The following DMD variants were observed in gnomAD, a reference collection of about 807,000 sequenced individuals.
DMD encodes dystrophin, also known as mutant dystrophin.
A neutral mutation model predicts 330.1 loss-of-function variants in DMD; 63 were observed. The observed-to-expected ratio is 0.19, with a 90% CI of 0.16 to 0.24. The LOEUF (loss-of-function observed/expected upper bound fraction) is 0.24. Ranked by LOEUF, DMD falls within the 10% of genes least tolerant of loss-of-function variation. The probability of loss-of-function intolerance (pLI) is 1.00; values close to 1 mark genes in which losing one functional copy is unlikely to be tolerated. For missense variants in DMD, 3,344 were observed against 2,684.1 expected (o/e 1.25, Z -5.43); for synonymous variants, 1,223 against 959.8 (o/e 1.27, Z -5.07).
At chrX:32,505,850 G>C (rs1373199012) in intron 18 of DMD, among the ~76,000 whole-genome samples, 2 of 111,915 alleles carry the variant, frequency 1.8e-5, no homozygotes, top group African/African-American at 3.2e-5. Context: ...GCCATAAAAA[G>C]ACATGGAAGA....
chrX:31,328,321 G>A (rs1482888366), intron 61 of DMD, among the ~76,000 whole-genome samples: 1 of 110,554 alleles, frequency 9.0e-6, no homozygotes, highest in Admixed American at 9.5e-5. Context: ...GGCAGCAGAA[G>A]CCTCTCTTTA....
intron 2 of DMD, among the ~76,000 whole-genome samples, chrX:32,995,915 A>AATT (rs1404806091): frequency 1.8e-5 from 2 of 112,043 alleles, no homozygotes; most frequent in Non-Finnish European, 3.8e-5. Flanking sequence ...ATTTAAATTG[A>AATT]ATTAGATTAA....
intron 1 of DMD, among the ~76,000 whole-genome samples, chrX:33,326,879 C>T (rs776787578): frequency 5.4e-5 from 6 of 110,268 alleles, no homozygotes; most frequent in South Asian, 3.9e-4. Context: ...GGGGGGATGG[C>T]AGAGCTAAAA....
chrX:32,281,820 A>G (rs776448850), intron 43 of DMD, among the ~76,000 whole-genome samples: 27 of 111,648 alleles, frequency 2.4e-4, no homozygotes, highest in Non-Finnish European at 7.5e-5. Flanking sequence ...ATTTTTTTAG[A>G]GGTTTCTTTT....
chrX:32,308,492 T>C (rs1195751731), intron 42 of DMD, among the ~76,000 whole-genome samples: 3 of 110,958 alleles, frequency 2.7e-5, no homozygotes, highest in Non-Finnish European at 5.7e-5. Flanking sequence ...TTCAAAAAAG[T>C]CAATGAAGGT....
intron 17 of DMD, among the ~76,000 whole-genome samples, chrX:32,524,186 G>A (rs1057318888): frequency 8.1e-5 from 9 of 110,930 alleles, no homozygotes; most frequent in African/African-American, 1.3e-4. Context: ...CGCCCGCCTC[G>A]GCCTCCCAAA....
chrX:31,854,792 A>C (rs1483691703), intron 48 of DMD, among the ~76,000 whole-genome samples: 1 of 111,671 alleles, frequency 9.0e-6, no homozygotes, highest in Non-Finnish European at 1.9e-5. Context: ...AGGGTTTCTC[A>C]GCTTCAGCCC....
At chrX:32,760,650 A>G (rs756140804) in intron 7 of DMD, among the ~76,000 whole-genome samples, 1 of 112,162 alleles carries the variant, frequency 8.9e-6, no homozygotes, top group African/African-American at 3.2e-5. Flanking sequence ...GCAGGAGGGA[A>G]GAACAGAGTG....
chrX:32,888,734 A>G (rs1161587442), intron 2 of DMD, among the ~76,000 whole-genome samples: 2 of 112,117 alleles, frequency 1.8e-5, no homozygotes, highest in Non-Finnish European at 3.8e-5. Flanking sequence ...CAGTATTCAC[A>G]TTAGACAAGA....
chrX:31,555,538 G>A (rs1405648870), intron 55 of DMD, among the ~76,000 whole-genome samples: 1 of 111,970 alleles, frequency 8.9e-6, no homozygotes, highest in Non-Finnish European at 1.9e-5. Context: ...GGCATCCATA[G>A]GTGATACCTA....
At chrX:32,361,142 G>A (rs1189591916) in intron 37 of DMD, among the ~76,000 whole-genome samples, 1 of 111,323 alleles carries the variant, frequency 9.0e-6, no homozygotes, top group African/African-American at 3.2e-5. Context: ...AAATGTGCAT[G>A]TGTGTGTGTC....
At chrX:31,970,866 A>G (rs1041155886) in intron 44 of DMD, among the ~76,000 whole-genome samples, 1 of 111,693 alleles carries the variant, frequency 9.0e-6, no homozygotes, top group African/African-American at 3.3e-5. Context: ...AATGGGAAAA[A>G]AATTTTGCCT....
rs750473011 is a variant in DMD at position 32,397,571 on chromosome X, C to G, written c.4234-7390G>C. On this transcript the variant is annotated intron_variant, in intron 30 of 78. Coordinates refer to ENST00000357033, the MANE Select transcript of DMD (RefSeq NM_004006.3). ...AAAAAGGCATTTGAGCATGCAGTAA[C>G]TATGTTCACAGCACTATATATTCAA... is the stretch of plus-strand genomic sequence containing the variant. Among the ~76,000 whole-genome samples, 31 of 111,982 alleles carry G rather than the reference C, an allele frequency of 2.8e-4. 1 individual carries two copies. In the Admixed American group the frequency reaches 2.9e-3, roughly 11 times the overall value.
At position 32,964,255 on chromosome X, in the gene DMD, C is replaced by CAAAA. The variant is rs781702491; in HGVS notation, c.93+55880_93+55883dup. On this transcript the variant is annotated intron_variant, in intron 2 of 78. Transcript: ENST00000357033. The stretch of plus-strand genomic sequence containing the variant: ...CTGGTGACAGAGCAAGACTCCATCT[C>CAAAA]AAAAAAAAAAAAAAAAAAAATTCAC... Among the ~76,000 whole-genome samples, 63 of 35,188 alleles carry CAAAA rather than the reference C, an allele frequency of 1.8e-3. 3 individuals are homozygous for CAAAA. Among genetic ancestry groups the CAAAA allele is most frequent in the African/African-American group, 5.5e-3 (48 of 8,791 alleles). 30.6% of individuals were successfully genotyped at this position (35,188 alleles called of 115,157 possible). A position where few individuals can be genotyped will look rare whatever the true frequency, so the allele number is the denominator to read the frequency against.
chrX:33,026,728 G>A (rs1389808168), intron 1 of DMD, among the ~76,000 whole-genome samples: 1 of 111,593 alleles, frequency 9.0e-6, no homozygotes, highest in Non-Finnish European at 1.9e-5. Flanking sequence ...ACTTCTGCAC[G>A]AAGAACAGAA....
rs767212616 is a variant in DMD at position 32,287,513 on chromosome X, T to C, written c.6290+16A>G. ...TCATTTCTGCAAGTATCAAGAAAAA[T>C]ATATGTGTTACCTACCCTTGTCGGT... is the stretch of plus-strand genomic sequence containing the variant. On this transcript the variant is annotated intron_variant, in intron 43 of 78. Coordinates refer to ENST00000357033, the MANE Select transcript of DMD (RefSeq NM_004006.3). 26 of 1,204,660 alleles carry C rather than the reference T, an allele frequency of 2.2e-5. No individual in the cohort carries two copies. Among genetic ancestry groups the C allele is most frequent in the Non-Finnish European group, 2.8e-5 (25 of 890,063 alleles).
intron 33 of DMD, among the ~76,000 whole-genome samples, chrX:32,381,551 T>A (rs1009757496): frequency 1.8e-5 from 2 of 111,586 alleles, no homozygotes; most frequent in Admixed American, 1.9e-4. Flanking sequence ...AAATTACAAT[T>A]TCTTAAAGGC....
At chrX:31,477,987 G>T in intron 59 of DMD, 119 bp downstream of exon 59, 1 of 816,098 alleles carries the variant, frequency 1.2e-6, no homozygotes, top group Non-Finnish European at 1.8e-6. Context: ...CTGAATTTGT[G>T]AAAGACGGAC....
chrX:31,475,607 T>C (rs1008979912), intron 59 of DMD, among the ~76,000 whole-genome samples: 1 of 111,952 alleles, frequency 8.9e-6, no homozygotes, highest in African/African-American at 3.2e-5. Flanking sequence ...AATTAGTCCC[T>C]ATATTTTTGA....
Sources: allele counts gnomAD v4.1 joint callset (sites outside exome capture counted in the v4.1 genomes callset), GRCh38; gene constraint gnomAD v4.1.1; transcripts MANE v1.5; gene names NCBI Gene and HGNC (gene_info 2026-07-23, HGNC 2026-07-21).